SNX31: variants seen among roughly 807,000 people sequenced by gnomAD.
The protein encoded by SNX31 is sorting nexin 31.
SNX31 carries 58 observed loss-of-function variants against 65.4 expected under a neutral mutation model. The ratio of observed to expected loss-of-function variants is 0.89; its 90% CI spans 0.72 to 1.10. SNX31 has a LOEUF of 1.10. Ranked by LOEUF, SNX31 falls within the 50% of genes least tolerant of loss-of-function variation. The pLI, the probability that SNX31 is intolerant of heterozygous loss-of-function variation, is 0.00. For missense variants in SNX31, 523 were observed against 529.7 expected (o/e 0.99, Z 0.12); for synonymous variants, 181 against 190.1 (o/e 0.95, Z 0.39).
intron 9 of SNX31, among the ~76,000 whole-genome samples, chr8:100,599,938 A>C (rs570721889): frequency 6.6e-6 from 1 of 152,244 alleles, no homozygotes; most frequent in African/African-American, 2.4e-5. Context: ...TACACAGAGT[A>C]TGTATAAATT....
chr8:100,620,960 G>A (rs917314956), intron 4 of SNX31, among the ~76,000 whole-genome samples: 2 of 151,746 alleles, frequency 1.3e-5, no homozygotes, highest in African/African-American at 4.8e-5. Flanking sequence ...TCTACTAAAA[G>A]AAAAATAAAA....
upstream of SNX31, among the ~76,000 whole-genome samples, chr8:100,652,685 C>T (rs181815817): frequency 1.7e-4 from 26 of 152,264 alleles, no homozygotes; most frequent in Admixed American, 1.3e-3. Flanking sequence ...CTGGTACCCA[C>T]ACTCTTTTGG....
Position 100,624,809 on chromosome 8 carries a change from C to CT in SNX31, c.321+5517dup, listed in dbSNP as rs201926398. 5.4e-4 allele frequency among the ~76,000 whole-genome samples: 82 copies of CT among 151,520 alleles called. 1 individual carries two copies. The highest frequency in any genetic ancestry group is 1.9e-3 in the South Asian group (9 of 4,790). On this transcript the variant is annotated intron_variant, in intron 4 of 13. Coordinates refer to ENST00000311812, the MANE Select transcript of SNX31 (RefSeq NM_152628.4). ...CATTAAATGAGCTGCTATCCTTTTT[C>CT]TTTTTTTTTAAAGTCAGGGTCTTGC... is the stretch of plus-strand genomic sequence containing the variant.
Position 100,613,093 on chromosome 8 carries a change from C to T in SNX31, c.433-8G>A. 1 of 1,612,172 alleles carries T rather than the reference C, an allele frequency of 6.2e-7. No homozygotes were observed. Among genetic ancestry groups the T allele is most frequent in the Non-Finnish European group, 8.5e-7 (1 of 1,178,370 alleles). ...AATTTTGTGTGACACCACCTTTAAC[C>T]AGAAACAAGCAGAAAGGGAAAAAGT... On this transcript the variant is annotated splice_region_variant and splice_polypyrimidine_tract_variant and intron_variant, in intron 5 of 13. Coordinates refer to ENST00000311812, the MANE Select transcript of SNX31 (RefSeq NM_152628.4). The surrounding 1 kb of genome is among the most constrained non-coding windows in gnomAD (Gnocchi z 5.2).
At chr8:100,584,470 G>T (rs1413075483) in intron 11 of SNX31, among the ~76,000 whole-genome samples, 2 of 152,010 alleles carry the variant, frequency 1.3e-5, no homozygotes, top group East Asian at 1.9e-4. Flanking sequence ...TCACCCCCTT[G>T]CATCCCATGT....
intron 8 of SNX31, among the ~76,000 whole-genome samples, chr8:100,607,524 G>A (rs1563541997): frequency 6.6e-6 from 1 of 152,154 alleles, no homozygotes; most frequent in African/African-American, 2.4e-5. Context: ...AAATGAAAAT[G>A]TTGTTCAAAA....
In SNX31 at chr8:100,630,320, A is replaced by G. The variant is rs1031707001; in HGVS notation, c.321+7T>C. 6.2e-6 allele frequency: 10 copies of G among 1,613,336 alleles called. No individual in the cohort carries two copies. Among genetic ancestry groups the G allele is most frequent in the South Asian group, 1.1e-5 (1 of 90,922 alleles). ...ATGATGGCCCCATTAAAGAAGAGCA[A>G]GCTTACCAGCTGCGCCAGTTTTAAA... On this transcript the variant is annotated splice_region_variant and intron_variant, in intron 4 of 13. Transcript: ENST00000311812. The surrounding 1 kb of genome is among the most constrained non-coding windows in gnomAD (Gnocchi z 5.3).
chr8:100,601,887 C>A (rs188207523), intron 8 of SNX31, among the ~76,000 whole-genome samples: 3 of 111,552 alleles, frequency 2.7e-5, no homozygotes, highest in South Asian at 4.9e-4. Flanking sequence ...TCTCAGCCTA[C>A]CCTCCCTGAG....
rs1027176263 is a variant in SNX31 at position 100,629,191 on chromosome 8, A to G, written c.321+1136T>C. Among the ~76,000 whole-genome samples, 2 of 152,182 alleles carry G rather than the reference A, an allele frequency of 1.3e-5. No individual in the cohort carries two copies. Among genetic ancestry groups the G allele is most frequent in the Admixed American group, 6.5e-5 (1 of 15,278 alleles). On this transcript the variant is annotated intron_variant, in intron 4 of 13. Coordinates refer to ENST00000311812, the MANE Select transcript of SNX31 (RefSeq NM_152628.4). This position sits in a 1 kb window ranked among gnomAD's most constrained non-coding sequence, Gnocchi z 5.1. ...TGTGCATGTACATATATATGTATAT[A>G]TATGCATGCTTATATATGTGCAGAA...
At chr8:100,586,309 C>T (rs1224583515) in intron 11 of SNX31, among the ~76,000 whole-genome samples, 1 of 152,214 alleles carries the variant, frequency 6.6e-6, no homozygotes, top group Non-Finnish European at 1.5e-5. Context: ...CACATTTCCA[C>T]CTTTTACAAA....
At chr8:100,600,601 A>C (rs1586905364) in intron 8 of SNX31, among the ~76,000 whole-genome samples, 160 bp from the exon 9 acceptor site, 1 of 152,316 alleles carries the variant, frequency 6.6e-6, no homozygotes, top group Non-Finnish European at 1.5e-5. Context: ...TAGTAAGAAG[A>C]GATTGTTCAA....
At chr8:100,650,842 G>GTT (rs200189569), upstream of SNX31, among the ~76,000 whole-genome samples, 28 of 103,812 alleles carry the variant, frequency 2.7e-4, no homozygotes, top group African/African-American at 1.4e-3. Context: ...TGTTTTTTGT[G>GTT]TTTTTTTGTT....
rs764196095 is a variant in SNX31 at position 100,630,849 on chromosome 8, G to A, written c.257-458C>T. ...GTCGCCCAGGCTGGAGTGTAGTGGC[G>A]TGAGCTCGGCTCACTGCAATGTCCG... is the stretch of plus-strand genomic sequence containing the variant. On this transcript the variant is annotated intron_variant, in intron 3 of 13. Coordinates refer to ENST00000311812, the MANE Select transcript of SNX31 (RefSeq NM_152628.4). The surrounding 1 kb of genome is among the most constrained non-coding windows in gnomAD (Gnocchi z 5.3). Among the ~76,000 whole-genome samples, 10 of 152,266 alleles carry A rather than the reference G, an allele frequency of 6.6e-5. No individual in the cohort carries two copies. The East Asian group carries it at 1.4e-3, about 21-fold the overall frequency.
chr8:100,633,166 G>A (rs912266542), intron 3 of SNX31, among the ~76,000 whole-genome samples: 1 of 151,200 alleles, frequency 6.6e-6, no homozygotes, highest in South Asian at 2.1e-4. Flanking sequence ...TGGGCTCAAG[G>A]GATCCTCCTG....
chr8:100,589,294 T>C (rs1311124083), intron 10 of SNX31, among the ~76,000 whole-genome samples: 1 of 138,628 alleles, frequency 7.2e-6, no homozygotes, highest in Non-Finnish European at 1.5e-5. Context: ...AGAGTGAGAC[T>C]TCGTCTCAAA....
At chr8:100,593,305 C>T (rs1460033119) in intron 10 of SNX31, among the ~76,000 whole-genome samples, 1 of 151,978 alleles carries the variant, frequency 6.6e-6, no homozygotes, top group Non-Finnish European at 1.5e-5. Context: ...ACAAACATGC[C>T]CAACTGATTT....
chr8:100,639,264 G>A (rs1213350055), intron 2 of SNX31, among the ~76,000 whole-genome samples: 1 of 152,224 alleles, frequency 6.6e-6, no homozygotes. Flanking sequence ...AATGTAGAAT[G>A]TGATAAAACT....
rs1414714040 is a variant in SNX31, at chr8:100,625,282, C to G, written c.321+5045G>C. Among the ~76,000 whole-genome samples the G allele has an allele frequency of 6.6e-6, 1 of 151,682 alleles. No individual in the cohort carries two copies. The highest frequency in any genetic ancestry group is 2.4e-5 in the African/African-American group (1 of 41,280). On this transcript the variant is annotated intron_variant, in intron 4 of 13. Coordinates refer to ENST00000311812, the MANE Select transcript of SNX31 (RefSeq NM_152628.4). The surrounding 1 kb of genome is among the most constrained non-coding windows in gnomAD (Gnocchi z 4.2). ...GCTATTCTGCTCTGAGGCAGAGGAA[C>G]ATTCTTAAGAATGTTTTCCATTTCC...
At chr8:100,617,824 G>A (rs1817357914) in intron 4 of SNX31, 94 bp from the exon 5 acceptor site, 2 of 985,636 alleles carry the variant, frequency 2.0e-6, no homozygotes, top group African/African-American at 1.6e-5. Context: ...GAGTGCAATG[G>A]CGTGATCTTG....
Sources: gnomAD v4.1 joint callset for allele counts (sites outside exome capture counted in the v4.1 genomes callset) on GRCh38, gnomAD v4.1.1 for gene constraint, Gnocchi (gnomAD v3.1) non-coding constraint, MANE v1.5 for transcripts, NCBI Gene and HGNC (gene_info 2026-07-23, HGNC 2026-07-21) for gene names.